STXBP5L: variants seen among roughly 807,000 people sequenced by gnomAD.
STXBP5L encodes the protein syntaxin-binding protein 5-like.
A neutral mutation model predicts 144.5 loss-of-function variants in STXBP5L; 65 were observed. The ratio of observed to expected loss-of-function variants is 0.45; its 90% CI spans 0.37 to 0.55. The LOEUF is 0.55. STXBP5L is among the 20% of genes least tolerant of loss of function. STXBP5L has a pLI of 0.00. For synonymous variants in STXBP5L, 505 were observed against 469.6 expected (o/e 1.08, Z -0.97); for missense variants, 1,298 against 1,405.5 (o/e 0.92, Z 1.22).
chr3:120,950,757 C>T (rs1711166898), intron 2 of STXBP5L, among the ~76,000 whole-genome samples: 1 of 152,064 alleles, frequency 6.6e-6, no homozygotes, highest in South Asian at 2.1e-4. Flanking sequence ...TCAATGCCAT[C>T]CCCATCAAGC....
intron 14 of STXBP5L, among the ~76,000 whole-genome samples, chr3:121,242,752 C>T (rs772273020): frequency 3.3e-5 from 5 of 151,744 alleles, no homozygotes; most frequent in Non-Finnish European, 7.4e-5. Flanking sequence ...TCAAATATAA[C>T]AGCATAGACA....
chr3:121,409,361 G>C (rs1022159876), intron 23 of STXBP5L, among the ~76,000 whole-genome samples: 1 of 151,864 alleles, frequency 6.6e-6, no homozygotes, highest in Non-Finnish European at 1.5e-5. Flanking sequence ...AGGTTGTCAA[G>C]AGGTAGTAAA....
At chr3:121,199,098 A>G (rs1268844550) in intron 9 of STXBP5L, among the ~76,000 whole-genome samples, 3 of 152,108 alleles carry the variant, frequency 2.0e-5, no homozygotes, top group Non-Finnish European at 4.4e-5. Flanking sequence ...CACAATATTG[A>G]TTCTTCCTAT....
chr3:120,960,371 A>G (rs1938618468), intron 3 of STXBP5L, among the ~76,000 whole-genome samples: 1 of 152,206 alleles, frequency 6.6e-6, no homozygotes, highest in African/African-American at 2.4e-5. Flanking sequence ...GGGATCTAGA[A>G]CTAGAAATAC....
chr3:121,158,358 A>G (rs531874925), intron 9 of STXBP5L: 2 of 152,298 alleles, frequency 1.3e-5, no homozygotes, highest in South Asian at 4.1e-4. Flanking sequence ...AACATATTCT[A>G]TGTTACAGTT....
chr3:121,132,164 G>A (rs146276807), intron 7 of STXBP5L, among the ~76,000 whole-genome samples: 26 of 152,274 alleles, frequency 1.7e-4, no homozygotes, highest in East Asian at 5.8e-4. Context: ...AGCAAATTGC[G>A]CTGATAAACA....
chr3:120,974,848 G>C (rs1179675603), intron 3 of STXBP5L, among the ~76,000 whole-genome samples: 1 of 152,120 alleles, frequency 6.6e-6, no homozygotes, highest in Non-Finnish European at 1.5e-5. Flanking sequence ...AGATCAGATA[G>C]TTGTAGATAT....
At chr3:121,240,624 T>A in intron 14 of STXBP5L, 117 bp downstream of exon 14, 1 of 886,122 alleles carries the variant, frequency 1.1e-6, no homozygotes, top group South Asian at 1.7e-5. Context: ...AAAGTAAAAA[T>A]ATAAGAAATA....
rs145415856 is a variant in STXBP5L, at chr3:121,105,212, A to G, written c.471-9713A>G. ...AGAGATGGAGACCATCCTGGCCAAC[A>G]TGGTGAAAGCCCATCTCTACTAAAA... On this transcript the variant is annotated intron_variant, in intron 5 of 26. Coordinates refer to ENST00000471454, the MANE Select transcript of STXBP5L (RefSeq NM_001308330.2). Among the ~76,000 whole-genome samples the G allele has an allele frequency of 7.9e-3, 1,196 of 152,152 alleles. 20 individuals are homozygous for G. Among genetic ancestry groups the G allele is most frequent in the African/African-American group, 0.027 (1,119 of 41,502 alleles).
At chr3:121,082,799 A>G (rs962168576) in intron 5 of STXBP5L, among the ~76,000 whole-genome samples, 1 of 152,246 alleles carries the variant, frequency 6.6e-6, no homozygotes, top group Non-Finnish European at 1.5e-5. Context: ...TTAGTGAACA[A>G]CATTGATTGA....
chr3:121,406,696 A>G (rs2047000268), intron 22 of STXBP5L, among the ~76,000 whole-genome samples: 1 of 152,084 alleles, frequency 6.6e-6, no homozygotes, highest in African/African-American at 2.4e-5. Context: ...GCCACCGTGA[A>G]TTCCAGATAT....
chr3:121,295,565 T>C (rs781042833), intron 19 of STXBP5L, among the ~76,000 whole-genome samples: 1 of 152,110 alleles, frequency 6.6e-6, no homozygotes, highest in Non-Finnish European at 1.5e-5. Context: ...ACATACAAAA[T>C]ACGGGAGATA....
rs191808339 is a variant in STXBP5L, at chr3:121,158,533, C to G, written c.877+906C>G. On this transcript the variant is annotated intron_variant, in intron 9 of 26. Coordinates refer to ENST00000471454, the MANE Select transcript of STXBP5L (RefSeq NM_001308330.2). ...TCAGTAAATGATCAAATTATTGCAA[C>G]ATTCTTCCAGGATGTAAATGTTTTA... 336 of 152,276 alleles carry G rather than the reference C, an allele frequency of 2.2e-3. 15 individuals are homozygous for G. The highest frequency in any genetic ancestry group is 0.022 in the Admixed American group (332 of 15,296). 9.4% of individuals were successfully genotyped at this position (152,276 alleles called of 1,614,324 possible).
chr3:121,198,123 G>A (rs1289073679), intron 9 of STXBP5L, among the ~76,000 whole-genome samples: 1 of 150,302 alleles, frequency 6.7e-6, no homozygotes, highest in African/African-American at 2.5e-5. Context: ...CAGTGTAAAA[G>A]CATTTCTATT....
At chr3:121,376,152 T>A (rs1369559892) in intron 20 of STXBP5L, among the ~76,000 whole-genome samples, 1 of 152,212 alleles carries the variant, frequency 6.6e-6, no homozygotes, top group Non-Finnish European at 1.5e-5. Flanking sequence ...ACATGTATTA[T>A]CACAAAAACT....
intron 3 of STXBP5L, among the ~76,000 whole-genome samples, chr3:120,986,246 G>A (rs1942275763): frequency 6.6e-6 from 1 of 151,902 alleles, no homozygotes; most frequent in Admixed American, 6.6e-5. Context: ...TGTGGCTGGA[G>A]AAGATCCTTT....
intron 18 of STXBP5L, among the ~76,000 whole-genome samples, chr3:121,273,385 C>G (rs1419359047): frequency 6.6e-6 from 1 of 151,734 alleles, no homozygotes; most frequent in African/African-American, 2.4e-5. Context: ...TCTGTTAGCA[C>G]TATTACTGTT....
chr3:121,068,016 A>T (rs936389957), intron 5 of STXBP5L, among the ~76,000 whole-genome samples: 7 of 152,156 alleles, frequency 4.6e-5, no homozygotes, highest in Admixed American at 3.3e-4. Flanking sequence ...ATATTAGTCA[A>T]TTTTTCTTTT....
At chr3:121,151,709 C>A (rs1490204907) in intron 7 of STXBP5L, among the ~76,000 whole-genome samples, 1 of 151,938 alleles carries the variant, frequency 6.6e-6, no homozygotes, top group Non-Finnish European at 1.5e-5. Flanking sequence ...CTATTTTTAT[C>A]CTTCCTCTTA....
Sources: gnomAD v4.1 joint callset for allele counts (sites outside exome capture counted in the v4.1 genomes callset) on GRCh38, gnomAD v4.1.1 for gene constraint, MANE v1.5 for transcripts, NCBI Gene and HGNC (gene_info 2026-07-23, HGNC 2026-07-21) for gene names.